ARHGAP20: variants seen among roughly 807,000 people sequenced by gnomAD.
ARHGAP20 encodes the protein rho GTPase-activating protein 20.
Under a neutral mutation model 73.7 loss-of-function variants are expected in ARHGAP20, and 34 were observed. The ratio of observed to expected loss-of-function variants is 0.46; its 90% CI spans 0.35 to 0.61. The LOEUF (loss-of-function observed/expected upper bound fraction) is 0.61. ARHGAP20 is among the 20% of genes least tolerant of loss of function. ARHGAP20 has a pLI of 0.00. For synonymous variants in ARHGAP20, 523 were observed against 518.2 expected, an observed-to-expected ratio of 1.01 and a Z score of -0.13; for missense variants, 1,314 against 1,420.9, an observed-to-expected ratio of 0.92 and a Z score of 1.21.
intron 1 of ARHGAP20, 42 bp downstream of exon 1, chr11:110,712,085 C>A: frequency 7.9e-7 from 1 of 1,263,474 alleles, no homozygotes; most frequent in Non-Finnish European, 1.0e-6. Flanking sequence ...GCAGTGGGGG[C>A]TGCGGCGGCG....
At chr11:110,706,596 T>C (rs1218523826) in intron 1 of ARHGAP20, among the ~76,000 whole-genome samples, 1 of 152,158 alleles carries the variant, frequency 6.6e-6, no homozygotes, top group East Asian at 1.9e-4. Context: ...GCTTTACACC[T>C]ACTCTCACAT....
intron 2 of ARHGAP20, among the ~76,000 whole-genome samples, chr11:110,637,081 A>G (rs1175792168): frequency 2.6e-5 from 4 of 152,056 alleles, no homozygotes; most frequent in Non-Finnish European, 4.4e-5. Context: ...AAAAGCAAAA[A>G]CAAGTTTTAG....
intron 9 of ARHGAP20, among the ~76,000 whole-genome samples, chr11:110,597,339 C>A (rs1947994446): frequency 6.7e-6 from 1 of 149,980 alleles, no homozygotes. Context: ...TTCTGAAGTC[C>A]AGGAAGGGGT....
chr11:110,618,590 A>T (rs1190449092), intron 4 of ARHGAP20, among the ~76,000 whole-genome samples: 1 of 149,664 alleles, frequency 6.7e-6, no homozygotes, highest in Non-Finnish European at 1.5e-5. Context: ...GTAGTGATAG[A>T]GTATATGCAG....
In ARHGAP20 at chr11:110,579,271, T is replaced by G; in HGVS notation, c.*99A>C. Reference sequence around the variant, plus strand: ...GTATTAGCAATGATAATCCTTATGCTACCTCTCCCAGGTATCTTATACAAA... The same window carrying G: ...GTATTAGCAATGATAATCCTTATGCGACCTCTCCCAGGTATCTTATACAAA... On this transcript the variant is annotated 3_prime_UTR_variant, in exon 15 of 15. Transcript: ENST00000683387. 6.9e-7 allele frequency: 1 copy of G among 1,458,430 alleles called. No homozygotes were observed. Among genetic ancestry groups the G allele is most frequent in the African/African-American group, 1.4e-5 (1 of 71,368 alleles). 90.3% of individuals were successfully genotyped at this position (1,458,430 alleles called of 1,614,324 possible).
intron 2 of ARHGAP20, among the ~76,000 whole-genome samples, chr11:110,677,994 G>C (rs1949966456): frequency 1.3e-5 from 2 of 152,162 alleles, no homozygotes; most frequent in South Asian, 4.1e-4. Context: ...ATTAATGAAT[G>C]AATAAACAAA....
At position 110,577,875 on chromosome 11, in the gene ARHGAP20, CAAAA is replaced by C. The variant is rs1447939251; in HGVS notation, c.*1491_*1494del. The C allele has an allele frequency of 1.0e-6, 1 of 985,038 alleles. No homozygotes were observed. The highest frequency in any genetic ancestry group is 1.8e-5 in the African/African-American group (1 of 57,066). The allele number at this position is 985,038 out of a possible 1,614,324, so 61.0% of individuals were successfully genotyped here. On this transcript the variant is annotated 3_prime_UTR_variant, in exon 15 of 15. Coordinates refer to ENST00000683387, the MANE Select transcript of ARHGAP20 (RefSeq NM_001384657.1). ...ATAACTGAAAATGCAACCTTTAGAA[CAAAA>C]AAGAAAGAACATTTGATATGACCAT...
chr11:110,690,247 T>C (rs1166724217), intron 2 of ARHGAP20, among the ~76,000 whole-genome samples: 1 of 152,232 alleles, frequency 6.6e-6, no homozygotes, highest in Non-Finnish European at 1.5e-5. Flanking sequence ...AAAACATTCA[T>C]TTTTCAGTAT....
chr11:110,709,473 C>T (rs920879069), intron 1 of ARHGAP20, among the ~76,000 whole-genome samples: 1 of 152,092 alleles, frequency 6.6e-6, no homozygotes, highest in African/African-American at 2.4e-5. Context: ...AAGAAAATAT[C>T]AGGCCAGGAT....
intron 2 of ARHGAP20, among the ~76,000 whole-genome samples, chr11:110,640,138 T>C (rs1351485622): frequency 1.3e-5 from 2 of 152,024 alleles, no homozygotes; most frequent in Non-Finnish European, 2.9e-5. Context: ...ATATTCTAAT[T>C]AAAAATAAAA....
intron 2 of ARHGAP20, among the ~76,000 whole-genome samples, chr11:110,683,854 ATTACC>A (rs1421764835): frequency 3.9e-5 from 6 of 152,182 alleles, no homozygotes; most frequent in Non-Finnish European, 8.8e-5. Flanking sequence ...CTGCAACTTA[ATTACC>A]AGTGTGATAA....
At chr11:110,687,550 A>G (rs1370166640) in intron 2 of ARHGAP20, among the ~76,000 whole-genome samples, 1 of 152,126 alleles carries the variant, frequency 6.6e-6, no homozygotes, top group Non-Finnish European at 1.5e-5. Context: ...TCAGTGAGTC[A>G]GGTAAGTGTT....
chr11:110,674,357 G>C (rs560370000), intron 2 of ARHGAP20, among the ~76,000 whole-genome samples: 94 of 152,250 alleles, frequency 6.2e-4, no homozygotes, highest in African/African-American at 2.1e-3. Flanking sequence ...TTAAATTAAA[G>C]CAATTATTAA....
intron 2 of ARHGAP20, among the ~76,000 whole-genome samples, chr11:110,669,160 A>G (rs1381100292): frequency 6.6e-6 from 1 of 152,220 alleles, no homozygotes; most frequent in Non-Finnish European, 1.5e-5. Flanking sequence ...AAACATTGTT[A>G]TGAGAGAAAG....
chr11:110,695,914 C>T (rs1950326415), intron 1 of ARHGAP20, among the ~76,000 whole-genome samples: 1 of 151,538 alleles, frequency 6.6e-6, no homozygotes, highest in Admixed American at 6.6e-5. Flanking sequence ...GTGGCAACAT[C>T]ACCAATGCCA....
chr11:110,671,394 CATACT>C (rs1356429212), intron 2 of ARHGAP20, among the ~76,000 whole-genome samples: 1 of 152,048 alleles, frequency 6.6e-6, no homozygotes, highest in Non-Finnish European at 1.5e-5. Context: ...AAGCAAACAT[CATACT>C]TAATGGTGAA....
Position 110,580,397 on chromosome 11 carries a change from A to G in ARHGAP20, c.2549T>C (p.Ile850Thr), listed in dbSNP as rs763095486. ...RTHRRCSEPN[I>T]EDQNRKLTYL... is the part of the protein sequence containing the mutation. ...GGTCAGCTTGCGGTTCTGGTCTTCT[A>G]TGTTGGGCTCTGAGCAGCGCCGATG... Residue 850 changes from isoleucine (I) to threonine (T), a missense_variant, in exon 15 of 15, where the codon ATA becomes ACA. Around this residue, in one of 3 missense-constraint regions of ARHGAP20, gnomAD observed 641 missense variants for 636.9 expected, o/e 1.01. Coordinates refer to ENST00000683387, the MANE Select transcript of ARHGAP20 (RefSeq NM_001384657.1). The G allele has an allele frequency of 1.6e-5, 26 of 1,614,080 alleles. No homozygotes were observed. The highest frequency in any genetic ancestry group is 4.5e-5 in the East Asian group (2 of 44,898).
intron 4 of ARHGAP20, among the ~76,000 whole-genome samples, chr11:110,621,957 G>A (rs4938046): frequency 0.33 from 49,367 of 151,850 alleles, 8,459 homozygotes; most frequent in African/African-American, 0.43. Context: ...GGCTCAGTTC[G>A]ATTCTTTCAG....
intron 3 of ARHGAP20, among the ~76,000 whole-genome samples, 158 bp downstream of exon 3, chr11:110,630,470 T>A (rs1948836357): frequency 6.8e-6 from 1 of 146,442 alleles, no homozygotes; most frequent in Non-Finnish European, 1.5e-5. Flanking sequence ...AAATGAACAA[T>A]CGATTTTTTT....
Sources: gnomAD v4.1 joint callset for allele counts (sites outside exome capture counted in the v4.1 genomes callset) on GRCh38, gnomAD v4.1.1 for gene constraint, gnomAD v4.1.1 regional missense constraint, MANE v1.5 for transcripts, NCBI Gene and HGNC (gene_info 2026-07-23, HGNC 2026-07-21) for gene names.